RALYL: variants seen among roughly 807,000 people sequenced by gnomAD.
The protein encoded by RALYL is RALY RNA binding protein like.
Under a neutral mutation model 35.1 loss-of-function variants are expected in RALYL, and 29 were observed. That is an observed-to-expected ratio of 0.83 (90% CI 0.61 to 1.13). The LOEUF (loss-of-function observed/expected upper bound fraction) is 1.13, where lower values mean the gene tolerates loss of function less well. Ranked by LOEUF, RALYL falls within the 50% of genes most tolerant of loss-of-function variation. The pLI, the probability that RALYL is intolerant of heterozygous loss-of-function variation, is 0.00. For missense variants in RALYL, 359 were observed against 360.4 expected (o/e 1.00, Z 0.03); for synonymous variants, 120 against 127.6 (o/e 0.94, Z 0.40).
At chr8:84,473,469 A>C (rs1468439327) in intron 1 of RALYL, among the ~76,000 whole-genome samples, 1 of 151,912 alleles carries the variant, frequency 6.6e-6, no homozygotes, top group African/African-American at 2.4e-5. Flanking sequence ...TATTTGATAT[A>C]GAATAATCAA....
At chr8:84,510,793 A>C (rs994156018) in intron 1 of RALYL, among the ~76,000 whole-genome samples, 1 of 151,440 alleles carries the variant, frequency 6.6e-6, no homozygotes, top group Admixed American at 6.6e-5. Context: ...CTGGGCAACA[A>C]GAGTGAAACT....
chr8:84,859,475 T>C (rs190164635), intron 5 of RALYL, among the ~76,000 whole-genome samples: 39 of 152,226 alleles, frequency 2.6e-4, no homozygotes, highest in Non-Finnish European at 4.9e-4. Context: ...CCTATCACAT[T>C]AAAATATTTA....
chr8:84,185,105 C>A, intron 1 of RALYL: 1 of 1,427,524 alleles, frequency 7.0e-7, no homozygotes, highest in South Asian at 1.1e-5. Context: ...TGTTGTGTTG[C>A]GTTGGTTTTA....
At chr8:84,504,314 C>A (rs1321523912) in intron 1 of RALYL, among the ~76,000 whole-genome samples, 2 of 151,934 alleles carry the variant, frequency 1.3e-5, no homozygotes, top group Non-Finnish European at 2.9e-5. Context: ...AATTTTTGTT[C>A]ATATTGAATA....
intron 2 of RALYL, among the ~76,000 whole-genome samples, chr8:84,740,587 T>C (rs1848106109): frequency 6.6e-6 from 1 of 152,054 alleles, no homozygotes; most frequent in African/African-American, 2.4e-5. Flanking sequence ...TATTGTTAGC[T>C]ACACACACAA....
intron 1 of RALYL, among the ~76,000 whole-genome samples, chr8:84,229,122 A>G (rs1824713434): frequency 6.6e-6 from 1 of 152,208 alleles, no homozygotes; most frequent in Admixed American, 6.6e-5. Flanking sequence ...GTGCATACAT[A>G]CCTAAATGCA....
chr8:84,593,324 C>G (rs1046921285), intron 2 of RALYL, among the ~76,000 whole-genome samples: 4 of 152,020 alleles, frequency 2.6e-5, no homozygotes, highest in Non-Finnish European at 5.9e-5. Context: ...CTTCTTAAGC[C>G]TTCTTAGCTT....
intron 2 of RALYL, among the ~76,000 whole-genome samples, chr8:84,737,822 C>G (rs1206170911): frequency 6.6e-6 from 1 of 151,884 alleles, no homozygotes; most frequent in African/African-American, 2.4e-5. Context: ...AATGAGCACA[C>G]AGTGAAAACA....
intron 2 of RALYL, among the ~76,000 whole-genome samples, chr8:84,562,119 C>T (rs775136470): frequency 2.0e-5 from 3 of 151,930 alleles, no homozygotes; most frequent in Admixed American, 6.6e-5. Context: ...AAAATGCAAA[C>T]TCAGTAGTCT....
chr8:84,914,920 C>T (rs544391476), intron 8 of RALYL, among the ~76,000 whole-genome samples: 1 of 152,014 alleles, frequency 6.6e-6, no homozygotes, highest in Admixed American at 6.6e-5. Context: ...TAGTGGTGTT[C>T]CCAGGCTGCC....
At chr8:84,445,757 T>C (rs1024654970) in intron 1 of RALYL, among the ~76,000 whole-genome samples, 3 of 151,606 alleles carry the variant, frequency 2.0e-5, no homozygotes, top group African/African-American at 7.3e-5. Context: ...AAACGTGGGC[T>C]CCCTCTTGTG....
chr8:84,453,006 T>G (rs1195523941), intron 1 of RALYL, among the ~76,000 whole-genome samples: 1 of 151,978 alleles, frequency 6.6e-6, no homozygotes, highest in Non-Finnish European at 1.5e-5. Context: ...TATTTCCTAC[T>G]GCGTCTCATC....
chr8:84,279,937 T>C (rs2132065014), intron 1 of RALYL, among the ~76,000 whole-genome samples: 1 of 152,218 alleles, frequency 6.6e-6, no homozygotes, highest in Non-Finnish European at 1.5e-5. Flanking sequence ...GTTCTTGGGG[T>C]GAGGATGTGG....
chr8:84,722,615 T>TCATATATATATATA (rs1844141110), intron 2 of RALYL, among the ~76,000 whole-genome samples: 1 of 65,666 alleles, frequency 1.5e-5, no homozygotes, highest in Non-Finnish European at 2.8e-5. Context: ...CCTAGAGTGA[T>TCATATATATATATA]TTTATATATA....
At chr8:84,763,041 T>A (rs1813065408) in intron 2 of RALYL, among the ~76,000 whole-genome samples, 1 of 152,198 alleles carries the variant, frequency 6.6e-6, no homozygotes, top group African/African-American at 2.4e-5. Flanking sequence ...GGTTGTATAC[T>A]TCTCTCCACA....
rs1849332209 is a variant in RALYL at position 84,921,754 on chromosome 8, T to G, written c.*843T>G. On this transcript the variant is annotated 3_prime_UTR_variant, in exon 9 of 9. Coordinates refer to ENST00000521268, the MANE Select transcript of RALYL (RefSeq NM_173848.7). Reference sequence around the variant, plus strand: ...TTCCAGATAATCTTAGCTGTTGTCTTGTGCTGTGGAAATGGAAGAAACCAT... The same window carrying G: ...TTCCAGATAATCTTAGCTGTTGTCTGGTGCTGTGGAAATGGAAGAAACCAT... The G allele has an allele frequency of 6.6e-6, 1 of 152,224 alleles. No individual in the cohort carries two copies. Among genetic ancestry groups the G allele is most frequent in the Non-Finnish European group, 1.5e-5 (1 of 68,022 alleles). The allele number at this position is 152,224 out of a possible 1,614,324, so 9.4% of individuals were successfully genotyped here. A position where few individuals can be genotyped will look rare whatever the true frequency, so the allele number is the denominator to read the frequency against.
chr8:84,739,902 A>T lies in RALYL; in HGVS notation c.257-34677A>T, dbSNP rs549718891. Among the ~76,000 whole-genome samples the T allele has an allele frequency of 2.4e-3, 364 of 152,102 alleles. 1 individual carries two copies. Among genetic ancestry groups the T allele is most frequent in the African/African-American group, 7.0e-3 (291 of 41,544 alleles). ...TACATAAGAATTGGAGTCACTATAT[A>T]TAAGAAGAAAGCAGTAAATCCAAAC... On this transcript the variant is annotated intron_variant, in intron 2 of 8. Transcript: ENST00000521268.
At chr8:84,684,070 A>C (rs1836242927) in intron 2 of RALYL, among the ~76,000 whole-genome samples, 1 of 152,126 alleles carries the variant, frequency 6.6e-6, no homozygotes, top group African/African-American at 2.4e-5. Flanking sequence ...GACGTAAATA[A>C]GATCATTAAC....
intron 5 of RALYL, among the ~76,000 whole-genome samples, chr8:84,853,072 G>A (rs148701406): frequency 6.6e-6 from 1 of 152,216 alleles, no homozygotes; most frequent in Non-Finnish European, 1.5e-5. Context: ...GACATTCCTG[G>A]GCCTGAGTCT....
Sources: allele counts gnomAD v4.1 joint callset (sites outside exome capture counted in the v4.1 genomes callset), GRCh38; gene constraint gnomAD v4.1.1; transcripts MANE v1.5; gene names NCBI Gene and HGNC (gene_info 2026-07-23, HGNC 2026-07-21).